CNTN5: variants seen among roughly 807,000 people sequenced by gnomAD.
CNTN5 encodes contactin-5.
CNTN5 carries 77 observed loss-of-function variants against 129.1 expected under a neutral mutation model. The ratio of observed to expected loss-of-function variants is 0.60; its 90% CI spans 0.50 to 0.72. CNTN5 has a LOEUF of 0.72. Ranked by LOEUF, CNTN5 falls within the 30% of genes least tolerant of loss-of-function variation. The pLI is 0.00. For missense variants in CNTN5, 1,478 were observed against 1,328.8 expected (o/e 1.11, Z -1.75); for synonymous variants, 509 against 465.6 (o/e 1.09, Z -1.20).
chr11:99,406,495 C>T, intron 2 of CNTN5, among the ~76,000 whole-genome samples: 1 of 152,122 alleles, frequency 6.6e-6, no homozygotes, highest in African/African-American at 2.4e-5. Flanking sequence ...TGCACTGGGT[C>T]AGATCTTAAG....
intron 1 of CNTN5, chr11:99,120,525 T>G (rs1000185274): frequency 6.6e-6 from 1 of 152,236 alleles, no homozygotes; most frequent in Middle Eastern, 3.2e-3. Context: ...TAGTTCATGT[T>G]TGGAAAGTGC....
chr11:99,038,562 A>G (rs137945411), intron 1 of CNTN5, among the ~76,000 whole-genome samples: 92 of 152,224 alleles, frequency 6.0e-4, no homozygotes, highest in African/African-American at 2.1e-3. Context: ...CATTGACTCA[A>G]TGAATTTTAC....
chr11:100,094,374 T>C (rs1355266067), intron 13 of CNTN5, among the ~76,000 whole-genome samples: 1 of 152,170 alleles, frequency 6.6e-6, no homozygotes, highest in South Asian at 2.1e-4. Flanking sequence ...ATCCAGTCCG[T>C]CTGCCTCTCT....
chr11:100,156,983 T>C (rs1161318079), intron 13 of CNTN5, among the ~76,000 whole-genome samples: 1 of 152,050 alleles, frequency 6.6e-6, no homozygotes, highest in Non-Finnish European at 1.5e-5. Context: ...TGTGTGTGTC[T>C]CTGTCTCCTT....
intron 3 of CNTN5, among the ~76,000 whole-genome samples, chr11:99,637,861 C>T (rs532397435): frequency 6.6e-6 from 1 of 152,128 alleles, no homozygotes; most frequent in South Asian, 2.1e-4. Context: ...TTTTAATCCT[C>T]CTGTGTCTCT....
chr11:99,449,562 T>C (rs905447781), intron 2 of CNTN5, among the ~76,000 whole-genome samples: 8 of 152,234 alleles, frequency 5.3e-5, no homozygotes, highest in African/African-American at 1.9e-4. Context: ...CTCACCTTAC[T>C]GCCTTGTAAA....
At chr11:99,301,329 G>T (rs151017716) in intron 1 of CNTN5, among the ~76,000 whole-genome samples, 2 of 151,006 alleles carry the variant, frequency 1.3e-5, no homozygotes, top group South Asian at 4.2e-4. Context: ...ATTAAAAAAA[G>T]GTCCAAGATT....
chr11:99,350,482 T>C (rs1938219341), intron 2 of CNTN5, among the ~76,000 whole-genome samples: 1 of 152,162 alleles, frequency 6.6e-6, no homozygotes, highest in Non-Finnish European at 1.5e-5. Flanking sequence ...TTATAAAACA[T>C]ATGTTCACAA....
At chr11:99,503,160 C>T (rs1037237795) in intron 2 of CNTN5, among the ~76,000 whole-genome samples, 1 of 151,972 alleles carries the variant, frequency 6.6e-6, no homozygotes, top group South Asian at 2.1e-4. Context: ...CCTCTATAAC[C>T]TTTTCCCTAT....
At chr11:99,101,736 G>C (rs1243194222) in intron 1 of CNTN5, among the ~76,000 whole-genome samples, 4 of 152,192 alleles carry the variant, frequency 2.6e-5, no homozygotes, top group Non-Finnish European at 2.9e-5. Context: ...TTGCAGGATA[G>C]AGCCTGCCTC....
chr11:100,202,884 G>A (rs1396281668), intron 15 of CNTN5, among the ~76,000 whole-genome samples: 2 of 151,908 alleles, frequency 1.3e-5, no homozygotes, highest in African/African-American at 4.8e-5. Context: ...GGGCTTCCTT[G>A]AACTTAAAAC....
chr11:100,245,282 A>C (rs1949818608), intron 16 of CNTN5, among the ~76,000 whole-genome samples: 1 of 152,180 alleles, frequency 6.6e-6, no homozygotes, highest in Admixed American at 6.6e-5. Context: ...CACATACAAC[A>C]GGAGAAGGAG....
intron 4 of CNTN5, among the ~76,000 whole-genome samples, chr11:99,842,359 T>G (rs144573543): frequency 8.4e-4 from 128 of 152,340 alleles, no homozygotes; most frequent in African/African-American, 2.6e-3. Flanking sequence ...CAAGTAAATA[T>G]TAGTTATTAA....
intron 1 of CNTN5, among the ~76,000 whole-genome samples, chr11:99,301,842 G>A (rs1054373620): frequency 1.1e-4 from 16 of 151,560 alleles, no homozygotes; most frequent in African/African-American, 3.4e-4. Flanking sequence ...CGTGACAATC[G>A]TAAATAAGTT....
At chr11:100,272,810 G>A (rs955333527) in intron 18 of CNTN5, among the ~76,000 whole-genome samples, 4 of 152,154 alleles carry the variant, frequency 2.6e-5, no homozygotes, top group African/African-American at 7.2e-5. Context: ...CTTGCCACAG[G>A]CCTCTGGAAC....
chr11:99,774,553 T>G (rs1945055782), intron 3 of CNTN5, among the ~76,000 whole-genome samples: 1 of 151,950 alleles, frequency 6.6e-6, no homozygotes, highest in Non-Finnish European at 1.5e-5. Context: ...CTTGTATCCC[T>G]TAATGAGAGC....
intron 1 of CNTN5, among the ~76,000 whole-genome samples, chr11:99,291,987 T>C (rs561340712): frequency 6.6e-6 from 1 of 152,178 alleles, no homozygotes; most frequent in South Asian, 2.1e-4. Context: ...ATTACAATAT[T>C]TGATGTAACA....
chr11:99,054,596 A>T (rs982139006), intron 1 of CNTN5, among the ~76,000 whole-genome samples: 2 of 151,830 alleles, frequency 1.3e-5, no homozygotes, highest in Admixed American at 1.3e-4. Flanking sequence ...AGCGTTCCTT[A>T]ATCCTTAGCT....
At chr11:100,344,819 C>T (rs1158150361) in intron 23 of CNTN5, among the ~76,000 whole-genome samples, 1 of 151,942 alleles carries the variant, frequency 6.6e-6, no homozygotes, top group African/African-American at 2.4e-5. Flanking sequence ...AGGAATAATA[C>T]ATTGTCCTTT....
Sources: gnomAD v4.1 joint callset for allele counts (sites outside exome capture counted in the v4.1 genomes callset) on GRCh38, gnomAD v4.1.1 for gene constraint, MANE v1.5 for transcripts, NCBI Gene and HGNC (gene_info 2026-07-23, HGNC 2026-07-21) for gene names.